Variants in PARD3B observed in about 807,000 individuals in gnomAD.
The protein encoded by PARD3B is partitioning defective 3 homolog B.
Under a neutral mutation model 130.2 loss-of-function variants are expected in PARD3B, and 103 were observed. The observed-to-expected ratio is 0.79, with a 90% CI of 0.67 to 0.93. PARD3B has a LOEUF of 0.93. Among genes scored for constraint, PARD3B ranks in the 40% least tolerant of loss-of-function variants. PARD3B has a pLI of 0.00. For missense variants in PARD3B, 1,609 were observed against 1,499.2 expected (o/e 1.07, Z -1.21); for synonymous variants, 583 against 553.2 (o/e 1.05, Z -0.76).
chr2:204,707,034 A>G (rs971192583), intron 2 of PARD3B, among the ~76,000 whole-genome samples: 9 of 152,134 alleles, frequency 5.9e-5, no homozygotes, highest in African/African-American at 2.2e-4. Flanking sequence ...AGATGAATGA[A>G]ATTGTTTAAG....
chr2:205,301,715 T>C lies in PARD3B; in HGVS notation c.2630+14T>C. 1.2e-6 allele frequency: 2 copies of C among 1,613,938 alleles called. No homozygotes were observed. The highest frequency in any genetic ancestry group is 1.7e-5 in the Admixed American group (1 of 59,984). ...CGCCATGCTGAGGTATGGGCCTGCT[T>C]TGAAGGCAAAGTTGGTTCTCATTTT... On this transcript the variant is annotated intron_variant, in intron 18 of 22. Coordinates refer to ENST00000406610, the MANE Select transcript of PARD3B (RefSeq NM_001302769.2). The surrounding 1 kb of genome is among the most constrained non-coding windows in gnomAD (Gnocchi z 5.2).
rs1370297835 is a variant in PARD3B at position 204,967,386 on chromosome 2, T to C, written c.394+2063T>C. 6.6e-6 allele frequency among the ~76,000 whole-genome samples: 1 copy of C among 152,224 alleles called. No homozygotes were observed. On this transcript the variant is annotated intron_variant, in intron 3 of 22. Coordinates refer to ENST00000406610, the MANE Select transcript of PARD3B (RefSeq NM_001302769.2). This position sits in a 1 kb window ranked among gnomAD's most constrained non-coding sequence, Gnocchi z 4.4. ...TGCAGAGGCCTCAGACTGACCTCTT[T>C]CTTTACACTGTGTGCTTTCTCCAGT...
At chr2:205,348,003 G>A (rs2043856798) in intron 18 of PARD3B, 1 of 152,180 alleles carries the variant, frequency 6.6e-6, no homozygotes, top group Admixed American at 6.6e-5. Context: ...GCTGAGTCTT[G>A]GCCAGCTCAA....
In PARD3B at chr2:205,300,992, C is replaced by T. The variant is rs150338592; in HGVS notation, c.2392+256C>T. Among the ~76,000 whole-genome samples, 2,228 of 152,362 alleles carry T rather than the reference C, an allele frequency of 0.015. 27 individuals carry two copies. Among genetic ancestry groups the T allele is most frequent in the Non-Finnish European group, 0.019 (1,303 of 68,040 alleles). ...TCCTTCACTTTTCTACAAGGACCAA[C>T]TGTCATTTACCCTTAGGGTAGGAGC... is the stretch of plus-strand genomic sequence containing the variant. On this transcript the variant is annotated intron_variant, in intron 17 of 22. Transcript: ENST00000406610. This position sits in a 1 kb window ranked among gnomAD's most constrained non-coding sequence, Gnocchi z 4.1.
intron 4 of PARD3B, among the ~76,000 whole-genome samples, chr2:205,053,283 A>G (rs1699358795): frequency 6.6e-6 from 1 of 151,928 alleles, no homozygotes; most frequent in African/African-American, 2.4e-5. Context: ...TTTCAGGGTT[A>G]AAATAATTGA....
intron 22 of PARD3B, among the ~76,000 whole-genome samples, chr2:205,581,610 G>A (rs190018691): frequency 4.0e-5 from 6 of 150,748 alleles, no homozygotes; most frequent in African/African-American, 1.5e-4. Flanking sequence ...AGTGGAATCG[G>A]AATGTTCCTA....
intron 10 of PARD3B, among the ~76,000 whole-genome samples, chr2:205,144,075 A>C (rs1422337884): frequency 6.6e-6 from 1 of 152,220 alleles, no homozygotes; most frequent in Non-Finnish European, 1.5e-5. Context: ...TTTGGAGAGT[A>C]CTTTCCAACC....
chr2:205,459,778 G>A (rs2048388443), intron 20 of PARD3B, among the ~76,000 whole-genome samples: 2 of 152,138 alleles, frequency 1.3e-5, no homozygotes, highest in African/African-American at 4.8e-5. Flanking sequence ...GGAAGGATGG[G>A]TTTGCTTCCT....
chr2:204,607,424 T>C (rs918415094), intron 1 of PARD3B, among the ~76,000 whole-genome samples: 2 of 152,132 alleles, frequency 1.3e-5, no homozygotes, highest in East Asian at 1.9e-4. Flanking sequence ...AAATAGAGGA[T>C]GGCAAGTAAA....
intron 2 of PARD3B, among the ~76,000 whole-genome samples, chr2:204,908,901 A>G (rs997870900): frequency 7.2e-5 from 11 of 152,246 alleles, no homozygotes; most frequent in Non-Finnish European, 1.6e-4. Context: ...GGTAAAATGT[A>G]TTAAAAATAA....
At position 205,530,908 on chromosome 2, in the gene PARD3B, G is replaced by T. The variant is rs140630695; in HGVS notation, c.3181-22416G>T. 1.3e-5 allele frequency among the ~76,000 whole-genome samples: 2 copies of T among 152,178 alleles called. No homozygotes were observed. Among genetic ancestry groups the T allele is most frequent in the Non-Finnish European group, 2.9e-5 (2 of 68,036 alleles). On this transcript the variant is annotated intron_variant, in intron 21 of 22. Transcript: ENST00000406610. This position sits in a 1 kb window ranked among gnomAD's most constrained non-coding sequence, Gnocchi z 4.7. ...ATGTAGTGCAGGACCATTAGAAAAT[G>T]CCAGAGTGGGAGGTGAGTGAAAGAT...
In PARD3B at chr2:205,281,486, A is replaced by G. The variant is rs1377062517; in HGVS notation, c.2186-19044A>G. Reference sequence around the variant, plus strand: ...TGTTCCAGTGAACAGTTAGCAAACTAGGGAGATGCAGTATTTCTGTCCCAA... The same window carrying G: ...TGTTCCAGTGAACAGTTAGCAAACTGGGGAGATGCAGTATTTCTGTCCCAA... On this transcript the variant is annotated intron_variant, in intron 16 of 22. Coordinates refer to ENST00000406610, the MANE Select transcript of PARD3B (RefSeq NM_001302769.2). The surrounding 1 kb of genome is among the most constrained non-coding windows in gnomAD (Gnocchi z 4.2). Among the ~76,000 whole-genome samples, 3 of 152,194 alleles carry G rather than the reference A, an allele frequency of 2.0e-5. No individual in the cohort carries two copies. The highest frequency in any genetic ancestry group is 4.4e-5 in the Non-Finnish European group (3 of 68,016).
At chr2:204,872,668 A>C (rs905995822) in intron 2 of PARD3B, among the ~76,000 whole-genome samples, 4 of 152,166 alleles carry the variant, frequency 2.6e-5, no homozygotes, top group African/African-American at 9.7e-5. Context: ...AATTGTAATA[A>C]ATTCTTCTGT....
chr2:205,130,073 T>C (rs2031856259), intron 10 of PARD3B, among the ~76,000 whole-genome samples: 1 of 152,222 alleles, frequency 6.6e-6, no homozygotes, highest in African/African-American at 2.4e-5. Flanking sequence ...TAGCTGTTTC[T>C]AGTATCTTTA....
chr2:205,007,403 A>G lies in PARD3B; in HGVS notation c.395-40178A>G, dbSNP rs192778075. Reference sequence around the variant, plus strand: ...TGGCGATCCAGATTCATTCTTCTACATGTGGCTTGCCAGTTTTCCCAGTAC... The same window carrying G: ...TGGCGATCCAGATTCATTCTTCTACGTGTGGCTTGCCAGTTTTCCCAGTAC... On this transcript the variant is annotated intron_variant, in intron 3 of 22. Coordinates refer to ENST00000406610, the MANE Select transcript of PARD3B (RefSeq NM_001302769.2). 3.1e-3 allele frequency among the ~76,000 whole-genome samples: 478 copies of G among 152,268 alleles called. 7 individuals carry two copies. The highest frequency in any genetic ancestry group is 1.5e-3 in the Non-Finnish European group (104 of 68,030).
chr2:205,184,526 A>G (rs749854542), intron 13 of PARD3B, among the ~76,000 whole-genome samples: 4 of 152,102 alleles, frequency 2.6e-5, no homozygotes, highest in Non-Finnish European at 5.9e-5. Context: ...GTGGATCATG[A>G]GGTCAGGAGA....
At chr2:204,603,853 T>A (rs1415251027) in intron 1 of PARD3B, among the ~76,000 whole-genome samples, 6 of 152,196 alleles carry the variant, frequency 3.9e-5, no homozygotes. Flanking sequence ...ATTCCCACTT[T>A]AGGAGACAAC....
Position 204,640,651 on chromosome 2 carries a change from G to A in PARD3B, c.121-45530G>A, listed in dbSNP as rs151011088. ...CCTTGCCTACACTTGCTGTGAATAG[G>A]TCCTTCATTAACTTGCCTTCAGTAA... On this transcript the variant is annotated intron_variant, in intron 1 of 22. Coordinates refer to ENST00000406610, the MANE Select transcript of PARD3B (RefSeq NM_001302769.2). Among the ~76,000 whole-genome samples, 353 of 152,218 alleles carry A rather than the reference G, an allele frequency of 2.3e-3. 2 individuals carry two copies. The highest frequency in any genetic ancestry group is 8.2e-3 in the African/African-American group (340 of 41,534).
At chr2:204,893,579 TG>T (rs749459441) in intron 2 of PARD3B, among the ~76,000 whole-genome samples, 2 of 152,228 alleles carry the variant, frequency 1.3e-5, no homozygotes, top group African/African-American at 2.4e-5. Context: ...CTCATTCAAA[TG>T]TGAAAAGATA....
Sources: gnomAD v4.1 joint callset for allele counts (sites outside exome capture counted in the v4.1 genomes callset) on GRCh38, gnomAD v4.1.1 for gene constraint, Gnocchi (gnomAD v3.1) non-coding constraint, MANE v1.5 for transcripts, NCBI Gene and HGNC (gene_info 2026-07-23, HGNC 2026-07-21) for gene names.